The following CACNA2D3 variants were observed in gnomAD, a reference collection of about 807,000 sequenced individuals.
The protein encoded by CACNA2D3 is calcium voltage-gated channel auxiliary subunit alpha2delta 3, also known as voltage-dependent calcium channel subunit alpha-2/delta-3.
In CACNA2D3, 60 loss-of-function variants were observed where a neutral mutation model predicts 160.6. The observed-to-expected ratio is 0.37, with a 90% confidence interval of 0.30 to 0.46. The LOEUF (loss-of-function observed/expected upper bound fraction) is 0.46. CACNA2D3 is among the 20% of genes least tolerant of loss of function. The pLI is 1.00. For missense variants in CACNA2D3, 1,205 were observed against 1,365.0 expected (o/e 0.88, Z 1.85); for synonymous variants, 558 against 492.9 (o/e 1.13, Z -1.75).
chr3:54,459,484 T>C (rs1041907697), intron 4 of CACNA2D3, among the ~76,000 whole-genome samples: 1 of 151,474 alleles, frequency 6.6e-6, no homozygotes, highest in Admixed American at 6.6e-5. Flanking sequence ...TGAGATGGTA[T>C]CTCATTGTGG....
chr3:54,293,400 G>T (rs1703255114), intron 2 of CACNA2D3, among the ~76,000 whole-genome samples: 1 of 151,926 alleles, frequency 6.6e-6, no homozygotes, highest in African/African-American at 2.4e-5. Flanking sequence ...TCATTCTTAT[G>T]CCTTTATGTC....
At chr3:54,415,777 T>C (rs1210229710) in intron 4 of CACNA2D3, among the ~76,000 whole-genome samples, 1 of 152,160 alleles carries the variant, frequency 6.6e-6, no homozygotes, top group Non-Finnish European at 1.5e-5. Flanking sequence ...GGACCCAAGT[T>C]ACAGACAACA....
intron 2 of CACNA2D3, among the ~76,000 whole-genome samples, chr3:54,287,057 G>C (rs1703048329): frequency 6.6e-6 from 1 of 151,972 alleles, no homozygotes; most frequent in African/African-American, 2.4e-5. Flanking sequence ...ATAAGGATAG[G>C]ATCAAATTCA....
At chr3:54,152,698 G>T (rs1700174347) in intron 2 of CACNA2D3, among the ~76,000 whole-genome samples, 2 of 152,206 alleles carry the variant, frequency 1.3e-5, no homozygotes, top group African/African-American at 4.8e-5. Flanking sequence ...GTGTTTATGG[G>T]ACAGTGACAC....
At chr3:54,730,423 A>T (rs1701363770) in intron 11 of CACNA2D3, among the ~76,000 whole-genome samples, 1 of 152,226 alleles carries the variant, frequency 6.6e-6, no homozygotes, top group Non-Finnish European at 1.5e-5. Flanking sequence ...ATGGAAGCCT[A>T]ACTAATGGAA....
intron 13 of CACNA2D3, among the ~76,000 whole-genome samples, chr3:54,794,612 T>A (rs1267131131): frequency 2.0e-5 from 3 of 151,894 alleles, no homozygotes; most frequent in African/African-American, 7.2e-5. Context: ...TATATTTTTT[T>A]TTTTTTTGGT....
chr3:54,729,974 G>A (rs890820640), intron 11 of CACNA2D3, among the ~76,000 whole-genome samples: 2 of 138,954 alleles, frequency 1.4e-5, no homozygotes, highest in African/African-American at 5.4e-5. Context: ...ACTCCAACCT[G>A]GACAACAGAG....
intron 3 of CACNA2D3, among the ~76,000 whole-genome samples, chr3:54,350,003 G>C (rs1302710842): frequency 6.6e-6 from 1 of 152,190 alleles, no homozygotes; most frequent in Non-Finnish European, 1.5e-5. Context: ...GGCTTCTGGT[G>C]CCTCTTTTGA....
chr3:54,220,672 G>A (rs982153140), intron 2 of CACNA2D3, among the ~76,000 whole-genome samples: 5 of 152,080 alleles, frequency 3.3e-5, no homozygotes, highest in African/African-American at 4.8e-5. Context: ...AGCCCCCATC[G>A]TCCCTGTCCC....
At chr3:54,928,547 T>C (rs781150093) in intron 27 of CACNA2D3, among the ~76,000 whole-genome samples, 2 of 152,180 alleles carry the variant, frequency 1.3e-5, no homozygotes, top group Non-Finnish European at 2.9e-5. Flanking sequence ...CGAAGTCTTA[T>C]TCAGCCAACA....
chr3:54,978,350 C>T (rs1046231329), intron 29 of CACNA2D3, among the ~76,000 whole-genome samples: 7 of 152,106 alleles, frequency 4.6e-5, no homozygotes, highest in Non-Finnish European at 1.0e-4. Context: ...GATAAAGATG[C>T]ATCTTCTGTA....
At chr3:54,573,920 T>A (rs767287530) in intron 8 of CACNA2D3, among the ~76,000 whole-genome samples, 7 of 152,198 alleles carry the variant, frequency 4.6e-5, no homozygotes, top group Non-Finnish European at 7.3e-5. Flanking sequence ...GCTCTAGTAA[T>A]ATGGTGTAGG....
rs965883150 is a variant in CACNA2D3, at chr3:54,676,604, T to C, written c.1167+34363T>C. Among the ~76,000 whole-genome samples, 11 of 152,266 alleles carry C rather than the reference T, an allele frequency of 7.2e-5. No homozygotes were observed. In the South Asian group the frequency reaches 1.2e-3, roughly 17 times the overall value. Reference sequence around the variant, plus strand: ...AAAATGCCCTTCTGCTGCATCTTGGTATCCAGATCATTGGAATTGCCCTTC... The same window carrying C: ...AAAATGCCCTTCTGCTGCATCTTGGCATCCAGATCATTGGAATTGCCCTTC... On this transcript the variant is annotated intron_variant, in intron 11 of 37. Transcript: ENST00000474759.
chr3:54,647,479 ACTGT>A (rs1699673895), intron 11 of CACNA2D3, among the ~76,000 whole-genome samples: 1 of 152,180 alleles, frequency 6.6e-6, no homozygotes, highest in African/African-American at 2.4e-5. Context: ...TAGGAGCTTG[ACTGT>A]CTGCCTCAGT....
chr3:54,646,734 T>G (rs1457964946), intron 11 of CACNA2D3, among the ~76,000 whole-genome samples: 1 of 152,194 alleles, frequency 6.6e-6, no homozygotes, highest in Non-Finnish European at 1.5e-5. Context: ...CATGTTATCT[T>G]TATAATAGAA....
At chr3:54,667,322 T>C (rs758389848) in intron 11 of CACNA2D3, among the ~76,000 whole-genome samples, 3 of 152,190 alleles carry the variant, frequency 2.0e-5, no homozygotes, top group Admixed American at 6.5e-5. Flanking sequence ...GACTAACTTA[T>C]GACACCTGCG....
chr3:54,503,135 T>C (rs1040483607), intron 4 of CACNA2D3, among the ~76,000 whole-genome samples: 3 of 152,368 alleles, frequency 2.0e-5, no homozygotes, highest in Admixed American at 1.3e-4. Flanking sequence ...TATTTTTTGC[T>C]GATTTTCAGC....
chr3:54,859,514 T>A (rs1699238958), intron 17 of CACNA2D3, among the ~76,000 whole-genome samples: 1 of 152,182 alleles, frequency 6.6e-6, no homozygotes. Context: ...TGCTGAAACT[T>A]CTTCTCAGCC....
intron 2 of CACNA2D3, among the ~76,000 whole-genome samples, chr3:54,164,101 A>G (rs1248615162): frequency 6.6e-6 from 1 of 152,214 alleles, no homozygotes; most frequent in Non-Finnish European, 1.5e-5. Flanking sequence ...CTGGGGAGAC[A>G]GGGAGAGGCC....
Sources: gnomAD v4.1 joint callset for allele counts (sites outside exome capture counted in the v4.1 genomes callset) on GRCh38, gnomAD v4.1.1 for gene constraint, MANE v1.5 for transcripts, NCBI Gene and HGNC (gene_info 2026-07-23, HGNC 2026-07-21) for gene names.